Variants in CUL3 observed in about 807,000 individuals in gnomAD.
The protein encoded by CUL3 is cullin-3.
CUL3 carries 19 observed loss-of-function variants against 89.1 expected under a neutral mutation model. The ratio of observed to expected loss-of-function variants is 0.21; its 90% CI spans 0.15 to 0.31. The LOEUF (loss-of-function observed/expected upper bound fraction) is 0.31, where lower values mean the gene tolerates loss of function less well. Among genes scored for constraint, CUL3 ranks in the 10% least tolerant of loss-of-function variants. The pLI is 1.00. For synonymous variants in CUL3, 351 were observed against 308.4 expected (o/e 1.14, Z -1.45); for missense variants, 469 against 942.3 (o/e 0.50, Z 6.58).
rs1691176656 is a variant in CUL3 at position 224,472,752 on chromosome 2, ATATT to A, written c.*1489_*1492del. 5.1e-6 allele frequency: 1 copy of A among 196,426 alleles called. No individual in the cohort carries two copies. The highest frequency in any genetic ancestry group is 1.9e-4 in the South Asian group (1 of 5,214). 12.2% of individuals were successfully genotyped at this position (196,426 alleles called of 1,614,324 possible). ...TATAACCCAAGACGCATGGGGAAAA[ATATT>A]TATGTGGAGTTTTTAATCCATATTA... On this transcript the variant is annotated 3_prime_UTR_variant, in exon 16 of 16. Coordinates refer to ENST00000264414, the MANE Select transcript of CUL3 (RefSeq NM_003590.5).
chr2:224,567,322 A>T (rs1018286453), intron 1 of CUL3, among the ~76,000 whole-genome samples: 1 of 152,120 alleles, frequency 6.6e-6, no homozygotes, highest in Non-Finnish European at 1.5e-5. Context: ...GGTTCAAGGG[A>T]TCCTTCCGTC....
At chr2:224,511,656 A>C (rs920590231) in intron 5 of CUL3, 74 bp from the exon 6 acceptor site, 2 of 782,982 alleles carry the variant, frequency 2.6e-6, no homozygotes, top group African/African-American at 3.5e-5. Context: ...GGGTTTCTAC[A>C]GTGTTTATAA....
chr2:224,498,402 A>G (rs558506094), intron 11 of CUL3, among the ~76,000 whole-genome samples: 1 of 151,952 alleles, frequency 6.6e-6, no homozygotes, highest in East Asian at 1.9e-4. Flanking sequence ...TCCACACCAT[A>G]TTTTTTCCAA....
chr2:224,531,088 C>CTTTTT (rs36035608), intron 3 of CUL3, among the ~76,000 whole-genome samples: 1 of 137,024 alleles, frequency 7.3e-6, no homozygotes. Context: ...CTAAAATAGC[C>CTTTTT]TTTTTTTTTT....
chr2:224,489,444 C>G (rs1691868366), intron 13 of CUL3, among the ~76,000 whole-genome samples: 2 of 152,186 alleles, frequency 1.3e-5, no homozygotes, highest in South Asian at 2.1e-4. Flanking sequence ...AAATCACAAG[C>G]ATTCCTATAC....
At chr2:224,579,229 A>C (rs1036766449) in intron 1 of CUL3, among the ~76,000 whole-genome samples, 5 of 152,216 alleles carry the variant, frequency 3.3e-5, no homozygotes, top group Non-Finnish European at 7.3e-5. Flanking sequence ...CCAAAACTAT[A>C]AACAGTATTA....
At chr2:224,505,483 T>C (rs757587364) in intron 8 of CUL3, among the ~76,000 whole-genome samples, 4 of 152,156 alleles carry the variant, frequency 2.6e-5, no homozygotes, top group Non-Finnish European at 4.4e-5. Context: ...TCGCCCAGCA[T>C]AGAGTGCAGT....
intron 15 of CUL3, among the ~76,000 whole-genome samples, chr2:224,475,480 T>C (rs1691285708): frequency 6.6e-6 from 1 of 152,210 alleles, no homozygotes; most frequent in Non-Finnish European, 1.5e-5. Context: ...CTCTAATGCA[T>C]CCATGAGCCA....
chr2:224,523,771 G>A (rs1046626544), intron 3 of CUL3, among the ~76,000 whole-genome samples: 7 of 152,302 alleles, frequency 4.6e-5, no homozygotes, highest in Middle Eastern at 6.8e-3. Context: ...GCCGTAATAC[G>A]ATGAACCTTA....
At chr2:224,493,605 C>A (rs749535892) in intron 13 of CUL3, among the ~76,000 whole-genome samples, 6 of 152,176 alleles carry the variant, frequency 3.9e-5, no homozygotes, top group Non-Finnish European at 8.8e-5. Flanking sequence ...GATTCCAAGT[C>A]AGATGGGAAA....
chr2:224,583,585 A>G (rs940693219), intron 1 of CUL3, among the ~76,000 whole-genome samples: 3 of 152,228 alleles, frequency 2.0e-5, no homozygotes, highest in Non-Finnish European at 4.4e-5. Context: ...ACATTCAAAA[A>G]ATCTTTAATT....
intron 1 of CUL3, among the ~76,000 whole-genome samples, chr2:224,572,480 TAAA>T (rs777832978): frequency 7.5e-6 from 1 of 133,018 alleles, no homozygotes; most frequent in Non-Finnish European, 1.6e-5. Context: ...CCCTGTCTCT[TAAA>T]AAAAAAAAAA....
intron 3 of CUL3, among the ~76,000 whole-genome samples, chr2:224,527,928 C>T (rs1000343758): frequency 2.0e-5 from 3 of 152,198 alleles, no homozygotes; most frequent in African/African-American, 7.2e-5. Context: ...TTTGAACACT[C>T]TTCTCTGAGG....
intron 1 of CUL3, among the ~76,000 whole-genome samples, chr2:224,568,535 G>A (rs568894619): frequency 1.3e-5 from 2 of 152,334 alleles, no homozygotes; most frequent in African/African-American, 4.8e-5. Context: ...GAAAACGGTT[G>A]AATGTGTTTA....
intron 1 of CUL3, among the ~76,000 whole-genome samples, chr2:224,579,787 A>G (rs1695392466): frequency 6.6e-6 from 1 of 152,236 alleles, no homozygotes. Flanking sequence ...TTCTGGAGAC[A>G]GTCACCTTCA....
intron 1 of CUL3, among the ~76,000 whole-genome samples, chr2:224,573,129 G>A (rs781275747): frequency 5.3e-4 from 81 of 152,252 alleles, no homozygotes; most frequent in Non-Finnish European, 9.7e-4. Flanking sequence ...ATTATTACTA[G>A]AGAATTTAAT....
At chr2:224,495,671 A>G (rs930613523) in intron 13 of CUL3, 161 bp downstream of exon 13, 1 of 517,818 alleles carries the variant, frequency 1.9e-6, no homozygotes, top group Non-Finnish European at 3.4e-6. Flanking sequence ...ACATAACTCA[A>G]TACATGTATG....
At chr2:224,509,343 C>T (rs1692725885) in intron 6 of CUL3, among the ~76,000 whole-genome samples, 1 of 152,126 alleles carries the variant, frequency 6.6e-6, no homozygotes, top group Non-Finnish European at 1.5e-5. Context: ...CTCAACCTCC[C>T]AAGTGGCTGG....
intron 2 of CUL3, among the ~76,000 whole-genome samples, chr2:224,552,381 ATGGG>A (rs1488467569): frequency 1.3e-5 from 2 of 152,196 alleles, no homozygotes; most frequent in Admixed American, 1.3e-4. Flanking sequence ...CTAAATTCCT[ATGGG>A]TGTCAGTTTC....
Sources: gnomAD v4.1 joint callset for allele counts (sites outside exome capture counted in the v4.1 genomes callset) on GRCh38, gnomAD v4.1.1 for gene constraint, MANE v1.5 for transcripts, NCBI Gene and HGNC (gene_info 2026-07-23, HGNC 2026-07-21) for gene names.